Variants in SNTB2 observed in about 807,000 individuals in gnomAD.
The protein encoded by SNTB2 is syntrophin beta 2.
In SNTB2, 34 loss-of-function variants were observed where a neutral mutation model predicts 46.2. That is an observed-to-expected ratio of 0.74 (90% confidence interval 0.56 to 0.98). The LOEUF (loss-of-function observed/expected upper bound fraction) is 0.98. Among genes scored for constraint, SNTB2 ranks in the 50% least tolerant of loss-of-function variants. The pLI, the probability that SNTB2 is intolerant of heterozygous loss-of-function variation, is 0.00. For synonymous variants in SNTB2, 290 were observed against 312.6 expected, an observed-to-expected ratio of 0.93 and a Z score of 0.76; for missense variants, 603 against 731.4, an observed-to-expected ratio of 0.82 and a Z score of 2.02.
intron 4 of SNTB2, among the ~76,000 whole-genome samples, chr16:69,282,637 C>A (rs1371342971): frequency 7.0e-6 from 1 of 142,870 alleles, no homozygotes; most frequent in African/African-American, 2.6e-5. Context: ...AAATAACTTG[C>A]TGGGATTTTA....
intron 2 of SNTB2, among the ~76,000 whole-genome samples, 153 bp downstream of exon 2, chr16:69,245,968 T>G (rs940111220): frequency 6.6e-6 from 1 of 152,164 alleles, no homozygotes; most frequent in Admixed American, 6.5e-5. Flanking sequence ...TTTAAGTTAT[T>G]CTACATATAT....
At chr16:69,277,710 G>C (rs1964995810) in intron 4 of SNTB2, among the ~76,000 whole-genome samples, 1 of 152,148 alleles carries the variant, frequency 6.6e-6, no homozygotes, top group Non-Finnish European at 1.5e-5. Context: ...TCAAAATTCA[G>C]CTATTTTTAA....
At chr16:69,251,200 G>C (rs935976316) in intron 2 of SNTB2, among the ~76,000 whole-genome samples, 1 of 150,896 alleles carries the variant, frequency 6.6e-6, no homozygotes, top group African/African-American at 2.4e-5. Context: ...GGATGGTCTC[G>C]ATCTGCTGAC....
chr16:69,207,192 T>C (rs1359482208), intron 1 of SNTB2, among the ~76,000 whole-genome samples: 1 of 146,398 alleles, frequency 6.8e-6, no homozygotes, highest in African/African-American at 2.6e-5. Context: ...TCTTGCTCTG[T>C]CGTTCAGGCT....
intron 2 of SNTB2, among the ~76,000 whole-genome samples, chr16:69,248,238 C>G (rs1254093063): frequency 2.0e-5 from 3 of 152,168 alleles, no homozygotes; most frequent in Non-Finnish European, 4.4e-5. Flanking sequence ...TTACTTTGTG[C>G]TACATATAGG....
At chr16:69,197,483 A>G (rs1024111285) in intron 1 of SNTB2, among the ~76,000 whole-genome samples, 5 of 152,236 alleles carry the variant, frequency 3.3e-5, no homozygotes, top group Non-Finnish European at 7.3e-5. Context: ...TTAGTAATAT[A>G]ACTGACTTCT....
In SNTB2 at chr16:69,270,421, T is replaced by C. The variant is rs184441155; in HGVS notation, c.1148+136T>C. On this transcript the variant is annotated intron_variant, in intron 4 of 6. Coordinates refer to ENST00000336278, the MANE Select transcript of SNTB2 (RefSeq NM_006750.4). ...CGGATATAGTTGATGCAGACAAAAA[T>C]TTTTTGTTTTACAACCTTATTGATA... 74 of 1,077,394 alleles carry C rather than the reference T, an allele frequency of 6.9e-5. No homozygotes were observed. In the African/African-American group the frequency reaches 1.1e-3, roughly 16 times the overall value. The allele number at this position is 1,077,394 out of a possible 1,614,324, so 66.7% of individuals were successfully genotyped here.
At position 69,306,659 on chromosome 16, in the gene SNTB2, G is replaced by C. The variant is rs1392900569; in HGVS notation, c.*5735G>C. 2 of 152,218 alleles carry C rather than the reference G, an allele frequency of 1.3e-5. No individual in the cohort carries two copies. Among genetic ancestry groups the C allele is most frequent in the African/African-American group, 4.8e-5 (2 of 41,456 alleles). The allele number at this position is 152,218 out of a possible 1,614,324, so 9.4% of individuals were successfully genotyped here. The stretch of plus-strand genomic sequence containing the variant: ...TGGTTAGATTTATAATTTCTGGCCG[G>C]GTGCGGTGGCTCATGCCTGTATTCC... On this transcript the variant is annotated 3_prime_UTR_variant, in exon 7 of 7. Coordinates refer to ENST00000336278, the MANE Select transcript of SNTB2 (RefSeq NM_006750.4).
At chr16:69,289,743 G>A (rs1041157053) in intron 5 of SNTB2, among the ~76,000 whole-genome samples, 5 of 152,018 alleles carry the variant, frequency 3.3e-5, no homozygotes, top group Non-Finnish European at 7.4e-5. Flanking sequence ...GCAACATGGC[G>A]AAACCCCGTC....
chr16:69,274,373 G>A (rs1330506440), intron 4 of SNTB2, among the ~76,000 whole-genome samples: 2 of 151,244 alleles, frequency 1.3e-5, no homozygotes, highest in African/African-American at 4.9e-5. Flanking sequence ...AGGAGCTCTG[G>A]CCCAGCGTGG....
chr16:69,226,090 GAGA>G (rs916900584), intron 1 of SNTB2, among the ~76,000 whole-genome samples: 8 of 151,242 alleles, frequency 5.3e-5, no homozygotes, highest in African/African-American at 1.5e-4. Flanking sequence ...TTGATTTTTC[GAGA>G]AGGAGTCTCA....
rs1597208029 is a variant in SNTB2 at position 69,305,693 on chromosome 16, A to T, written c.*4769A>T. 6.6e-6 allele frequency: 1 copy of T among 151,384 alleles called. No homozygotes were observed. The highest frequency in any genetic ancestry group is 1.9e-4 in the East Asian group (1 of 5,190). 9.4% of individuals were successfully genotyped at this position (151,384 alleles called of 1,614,324 possible). On this transcript the variant is annotated 3_prime_UTR_variant, in exon 7 of 7. Transcript: ENST00000336278. ...TCTGTCAGGTATGACATTAATTACCAGGTGGTATTATACTCTACTTTGAGT... is the reference window on the plus strand; with the variant it reads ...TCTGTCAGGTATGACATTAATTACCTGGTGGTATTATACTCTACTTTGAGT...
intron 1 of SNTB2, among the ~76,000 whole-genome samples, chr16:69,211,279 C>G (rs921667962): frequency 1.3e-5 from 2 of 151,912 alleles, no homozygotes; most frequent in Non-Finnish European, 2.9e-5. Context: ...ATTTCATGCC[C>G]AGTACTTTTG....
intron 1 of SNTB2, among the ~76,000 whole-genome samples, chr16:69,206,846 A>G (rs1049104565): frequency 1.4e-5 from 2 of 148,096 alleles, no homozygotes; most frequent in Non-Finnish European, 3.0e-5. Flanking sequence ...GCTCACTGCA[A>G]CCTCCACCTC....
At chr16:69,197,964 A>G (rs549121391) in intron 1 of SNTB2, among the ~76,000 whole-genome samples, 6 of 152,336 alleles carry the variant, frequency 3.9e-5, no homozygotes, top group Admixed American at 3.9e-4. Flanking sequence ...AATTGAAAAA[A>G]TTAAACTGGC....
At chr16:69,254,064 T>C (rs1191355872) in intron 2 of SNTB2, among the ~76,000 whole-genome samples, 1 of 152,112 alleles carries the variant, frequency 6.6e-6, no homozygotes, top group Non-Finnish European at 1.5e-5. Context: ...CTGGTTACAG[T>C]GCCAAAGCAA....
In SNTB2 at chr16:69,301,882, T is replaced by C. The variant is rs1275611317; in HGVS notation, c.*958T>C. On this transcript the variant is annotated 3_prime_UTR_variant, in exon 7 of 7. Transcript: ENST00000336278. ...CTATCCTAGTTTTGAGGAATAGTCA[T>C]TGAGGTGGGTTTCCTTAATGGCATC... 1 of 152,618 alleles carries C rather than the reference T, an allele frequency of 6.6e-6. No homozygotes were observed. The highest frequency in any genetic ancestry group is 2.4e-5 in the African/African-American group (1 of 41,456). The allele number at this position is 152,618 out of a possible 1,614,324, so 9.5% of individuals were successfully genotyped here.
chr16:69,273,663 C>T (rs1182973165), intron 4 of SNTB2, among the ~76,000 whole-genome samples: 4 of 152,028 alleles, frequency 2.6e-5, no homozygotes, highest in Non-Finnish European at 5.9e-5. Context: ...ATACTAAAGA[C>T]CACTGTACTT....
intron 4 of SNTB2, among the ~76,000 whole-genome samples, chr16:69,275,143 G>A (rs1964975505): frequency 6.6e-6 from 1 of 150,982 alleles, no homozygotes; most frequent in Non-Finnish European, 1.5e-5. Flanking sequence ...CAGGATCATA[G>A]CTCACTGTAA....
Sources: gnomAD v4.1 joint callset for allele counts (sites outside exome capture counted in the v4.1 genomes callset) on GRCh38, gnomAD v4.1.1 for gene constraint, MANE v1.5 for transcripts, NCBI Gene and HGNC (gene_info 2026-07-23, HGNC 2026-07-21) for gene names.